LHX4: variants seen among roughly 807,000 people sequenced by gnomAD.
The protein encoded by LHX4 is LIM homeobox 4, also known as LIM/homeobox protein Lhx4.
Under a neutral mutation model 39.2 loss-of-function variants are expected in LHX4, and 16 were observed. That is an observed-to-expected ratio of 0.41 (90% confidence interval 0.28 to 0.62). LHX4 has a LOEUF of 0.62. Ranked by LOEUF, LHX4 falls within the 20% of genes least tolerant of loss-of-function variation. The pLI is 0.33. For synonymous variants in LHX4, 206 were observed against 198.1 expected, an observed-to-expected ratio of 1.04 and a Z score of -0.33; for missense variants, 439 against 511.9, an observed-to-expected ratio of 0.86 and a Z score of 1.37.
In LHX4 at chr1:180,266,472, A is replaced by G. The variant is rs1446267099; in HGVS notation, c.329A>G (p.Tyr110Cys). 6.2e-7 allele frequency: 1 copy of G among 1,614,194 alleles called. No homozygotes were observed. The change falls in exon 3 of 6, where the codon TAC becomes TGC. Residue 110 changes from tyrosine to cysteine, a missense_variant. Physicochemically the swap from Tyr to Cys is radical, Grantham distance 194. Transcript: ENST00000263726. This position sits in a 1 kb window ranked among gnomAD's most constrained non-coding sequence, Gnocchi z 5.7. ...QVVRKAQDFVYHLHCFACIIC... is the reference protein window; with the variant it reads ...QVVRKAQDFVCHLHCFACIIC... ...GTCCGCAAGGCCCAGGACTTTGTCT[A>G]CCACCTGCACTGCTTTGCTTGCATC...
intron 2 of LHX4, among the ~76,000 whole-genome samples, chr1:180,255,742 G>C (rs1325006325): frequency 6.6e-6 from 1 of 152,242 alleles, no homozygotes; most frequent in African/African-American, 2.4e-5. Context: ...GCCCGCCCCA[G>C]AGCGTGCAGT....
rs550992915 is a variant in LHX4 at position 180,257,526 on chromosome 1, G to A, written c.249-8866G>A. On this transcript the variant is annotated intron_variant, in intron 2 of 5. Transcript: ENST00000263726. ...TCTGGAGAAGGCTGCCCATTCTGGG[G>A]CAGAACTTTATGTGCCCATGACATG... is the stretch of plus-strand genomic sequence containing the variant. Among the ~76,000 whole-genome samples the A allele has an allele frequency of 5.9e-5, 9 of 152,302 alleles. No individual in the cohort carries two copies. In the South Asian group the frequency reaches 1.2e-3, roughly 21 times the overall value.
rs1249151007 is a variant in LHX4, at chr1:180,248,551, T to G, written c.248+95T>G. ...TTGCAGCAGGGTAGGCCAGGGAGGG[T>G]GGAGAGTCCACTCTGGGAGGGGCAG... is the stretch of plus-strand genomic sequence containing the variant. On this transcript the variant is annotated intron_variant, in intron 2 of 5. Coordinates refer to ENST00000263726, the MANE Select transcript of LHX4 (RefSeq NM_033343.4). 1.4e-5 allele frequency: 19 copies of G among 1,366,764 alleles called. No homozygotes were observed. In the African/African-American group the frequency reaches 2.7e-4, roughly 20 times the overall value. 84.7% of individuals were successfully genotyped at this position (1,366,764 alleles called of 1,614,324 possible). A position where few individuals can be genotyped will look rare whatever the true frequency, so the allele number is the denominator to read the frequency against.
chr1:180,230,245 A>C, upstream of LHX4: 15 of 413,270 alleles, frequency 3.6e-5, no homozygotes, highest in Admixed American at 4.0e-5. The surrounding 1 kb of genome is among the most constrained non-coding windows in gnomAD (Gnocchi z 5.8). Context: ...CGGGCGGGGG[A>C]GGGAAGAGGA....
chr1:180,261,459 TCGGCAA>T (rs969632216), intron 2 of LHX4, among the ~76,000 whole-genome samples: 10 of 152,230 alleles, frequency 6.6e-5, no homozygotes, highest in African/African-American at 2.4e-4. Flanking sequence ...AAGGCCAGCC[TCGGCAA>T]CATAGTAGGA....
In LHX4 at chr1:180,234,217, AT is replaced by A. The variant is rs1558207272; in HGVS notation, c.76+3613del. Among the ~76,000 whole-genome samples, 198 of 74,912 alleles carry A rather than the reference AT, an allele frequency of 2.6e-3. 2 individuals carry two copies. The highest frequency in any genetic ancestry group is 0.01 in the African/African-American group (146 of 14,434). 49.1% of individuals were successfully genotyped at this position (74,912 alleles called of 152,430 possible). A position where few individuals can be genotyped will look rare whatever the true frequency, so the allele number is the denominator to read the frequency against. On this transcript the variant is annotated intron_variant, in intron 1 of 5. Coordinates refer to ENST00000263726, the MANE Select transcript of LHX4 (RefSeq NM_033343.4). This position sits in a 1 kb window ranked among gnomAD's most constrained non-coding sequence, Gnocchi z 4.8. ...TATATATATATATATATATATATAT[AT>A]ATAATAGATTGAGATTCTATCATAT... is the stretch of plus-strand genomic sequence containing the variant.
At chr1:180,238,256 G>GCACCCCAAGC (rs1664370696) in intron 1 of LHX4, among the ~76,000 whole-genome samples, 1 of 152,168 alleles carries the variant, frequency 6.6e-6, no homozygotes, top group Non-Finnish European at 1.5e-5. Flanking sequence ...ATTTTCAAAG[G>GCACCCCAAGC]CACCCCAAGC....
intron 1 of LHX4, among the ~76,000 whole-genome samples, chr1:180,247,252 G>GT (rs1647423085): frequency 6.6e-6 from 1 of 152,200 alleles, no homozygotes; most frequent in Non-Finnish European, 1.5e-5. Context: ...CAGATAGGAA[G>GT]TCACCCAGGA....
At chr1:180,261,651 A>C (rs1008554541) in intron 2 of LHX4, among the ~76,000 whole-genome samples, 1 of 152,168 alleles carries the variant, frequency 6.6e-6, no homozygotes, top group African/African-American at 2.4e-5. Context: ...ACCCCTAAAG[A>C]AAAGAGCTTA....
intron 2 of LHX4, among the ~76,000 whole-genome samples, chr1:180,251,500 T>C (rs949344508): frequency 3.9e-5 from 6 of 152,200 alleles, no homozygotes; most frequent in Non-Finnish European, 7.3e-5. Context: ...GTGCCTGGTT[T>C]ATCTTCCTTG....
rs756081757 is a variant in LHX4, at chr1:180,271,889, C to T, written c.661C>T (p.Arg221Trp). 8.1e-6 allele frequency: 13 copies of T among 1,613,568 alleles called. No homozygotes were observed. The highest frequency in any genetic ancestry group is 2.7e-5 in the African/African-American group (2 of 74,820). Residue 221 changes from arginine (R) to tryptophan (W), a missense_variant, in exon 5 of 6, where the codon CGG becomes TGG. Arg to Trp is a moderately radical substitution (Grantham distance 101). Transcript: ENST00000263726. ...GAAACGCCTGAAGAAGGATGCAGGGCGGCACCGCTGGGGGCAGTTCTATAA... is the reference window on the plus strand; with the variant it reads ...GAAACGCCTGAAGAAGGATGCAGGGTGGCACCGCTGGGGGCAGTTCTATAA... ...KEKRLKKDAG[R>W]HRWGQFYKSV...
At chr1:180,264,378 A>ACACACACACACACACACACACACACAC (rs1242935728) in intron 2 of LHX4, among the ~76,000 whole-genome samples, 2 of 145,302 alleles carry the variant, frequency 1.4e-5, no homozygotes, top group Non-Finnish European at 3.0e-5. Flanking sequence ...ACACACACAT[A>ACACACACACACACACACACACACACAC]ACACACACAC....
chr1:180,256,669 T>C (rs1025673828), intron 2 of LHX4, among the ~76,000 whole-genome samples: 2 of 152,178 alleles, frequency 1.3e-5, no homozygotes, highest in African/African-American at 2.4e-5. Flanking sequence ...ACCGCTGCAC[T>C]GGGCCATCCG....
At chr1:180,229,577 G>C (rs1664113133), upstream of LHX4, among the ~76,000 whole-genome samples, 1 of 152,168 alleles carries the variant, frequency 6.6e-6, no homozygotes, top group Non-Finnish European at 1.5e-5. Flanking sequence ...AGAGAGAGCA[G>C]GGGCTGGGAA....
chr1:180,234,538 C>T lies in LHX4; in HGVS notation c.76+3933C>T, dbSNP rs1664267309. Among the ~76,000 whole-genome samples, 1 of 152,186 alleles carries T rather than the reference C, an allele frequency of 6.6e-6. No individual in the cohort carries two copies. The highest frequency in any genetic ancestry group is 1.5e-5 in the Non-Finnish European group (1 of 68,008). Reference sequence around the variant, plus strand: ...CTCCCAAGGGGCGAGAGGGCTCCGGCCTCCTCCTTTCCAGGGCCTTGTTAT... The same window carrying T: ...CTCCCAAGGGGCGAGAGGGCTCCGGTCTCCTCCTTTCCAGGGCCTTGTTAT... On this transcript the variant is annotated intron_variant, in intron 1 of 5. Transcript: ENST00000263726. This position sits in a 1 kb window ranked among gnomAD's most constrained non-coding sequence, Gnocchi z 4.8.
chr1:180,277,885 G>GC lies in LHX4; in HGVS notation c.*3306_*3307insC, dbSNP rs531531999. 2 of 147,818 alleles carry GC rather than the reference G, an allele frequency of 1.4e-5. No individual in the cohort carries two copies. Among genetic ancestry groups the GC allele is most frequent in the South Asian group, 2.2e-4 (1 of 4,458 alleles). 9.2% of individuals were successfully genotyped at this position (147,818 alleles called of 1,614,324 possible). On this transcript the variant is annotated 3_prime_UTR_variant, in exon 6 of 6. Transcript: ENST00000263726. ...TGTCCTTAAACTTTTTTTGGGGGGG[G>GC]GCAGTGTAAAACATGAAACCTAGTA...
intron 1 of LHX4, among the ~76,000 whole-genome samples, chr1:180,233,962 C>T (rs1385252922): frequency 6.6e-6 from 1 of 151,266 alleles, no homozygotes; most frequent in South Asian, 2.1e-4. Flanking sequence ...CTCCGGGGTG[C>T]GTGGGGTAAT....
rs1377876206 is a variant in LHX4, at chr1:180,277,571, G to A, written c.*2992G>A. On this transcript the variant is annotated 3_prime_UTR_variant, in exon 6 of 6. Transcript: ENST00000263726. ...GGCTATGGAGGAATCTCTGTTTGTT[G>A]GAACGTAATGAAACCATGGAGGAAA... 1.3e-5 allele frequency: 2 copies of A among 152,106 alleles called. No homozygotes were observed. The highest frequency in any genetic ancestry group is 1.3e-4 in the Admixed American group (2 of 15,256). The allele number at this position is 152,106 out of a possible 1,614,324, so 9.4% of individuals were successfully genotyped here. A position where few individuals can be genotyped will look rare whatever the true frequency, so the allele number is the denominator to read the frequency against.
chr1:180,236,842 C>T (rs1409389935), intron 1 of LHX4, among the ~76,000 whole-genome samples: 1 of 152,138 alleles, frequency 6.6e-6, no homozygotes, highest in Non-Finnish European at 1.5e-5. Flanking sequence ...GAGAAACCCA[C>T]GGTTGGAGAC....
Sources: allele counts gnomAD v4.1 joint callset (sites outside exome capture counted in the v4.1 genomes callset), GRCh38; gene constraint gnomAD v4.1.1; non-coding constraint Gnocchi (gnomAD v3.1); transcripts MANE v1.5; gene names NCBI Gene and HGNC (gene_info 2026-07-23, HGNC 2026-07-21).